The following DBH variants were observed in gnomAD, a reference collection of about 807,000 sequenced individuals.
DBH encodes the protein dopamine beta-hydroxylase (dopamine beta-monooxygenase).
Under a neutral mutation model 64.0 loss-of-function variants are expected in DBH, and 49 were observed. That is an observed-to-expected ratio of 0.77 (90% CI 0.61 to 0.97). The LOEUF is 0.97. Ranked by LOEUF, DBH falls within the 50% of genes least tolerant of loss-of-function variation. The pLI is 0.00. For missense variants in DBH, 828 were observed against 826.6 expected (o/e 1.00, Z -0.02); for synonymous variants, 343 against 347.1 (o/e 0.99, Z 0.13).
intron 2 of DBH, 99 bp downstream of exon 2, chr9:133,640,091 C>T: frequency 1.3e-6 from 2 of 1,499,940 alleles, no homozygotes; most frequent in South Asian, 2.3e-5. Flanking sequence ...CCTGATAAGT[C>T]TGGGGCCTGG....
intron 6 of DBH, among the ~76,000 whole-genome samples, chr9:133,649,512 T>C (rs893938166): frequency 2.0e-5 from 3 of 152,224 alleles, no homozygotes; most frequent in Non-Finnish European, 4.4e-5. Flanking sequence ...TCCTTCCTAG[T>C]AAATGGGTCG....
chr9:133,657,486 GGA>G (rs1300382040), intron 11 of DBH, among the ~76,000 whole-genome samples: 3 of 147,834 alleles, frequency 2.0e-5, no homozygotes, highest in African/African-American at 5.1e-5. Flanking sequence ...GAGGGAGAGA[GGA>G]GAGAGAGAGG....
chr9:133,637,040 G>A (rs1464468893), intron 1 of DBH, among the ~76,000 whole-genome samples: 2 of 152,170 alleles, frequency 1.3e-5, no homozygotes, highest in African/African-American at 4.8e-5. Flanking sequence ...ACGCGCATGA[G>A]CACAGACCCC....
chr9:133,643,384 C>A lies in DBH; in HGVS notation c.745-29C>A. On this transcript the variant is annotated intron_variant, in intron 3 of 11. Coordinates refer to ENST00000393056, the MANE Select transcript of DBH (RefSeq NM_000787.4). This position sits in a 1 kb window ranked among gnomAD's most constrained non-coding sequence, Gnocchi z 5.3. ...GGGAGGGGAGGGTGGGCGGCCGGTT[C>A]CCGGGCTCAGAGGGCTGCCTCCTCA... 6.2e-7 allele frequency: 1 copy of A among 1,613,132 alleles called. No individual in the cohort carries two copies. The highest frequency in any genetic ancestry group is 2.2e-5 in the East Asian group (1 of 44,852).
rs1176382973 is a variant in DBH at position 133,636,581 on chromosome 9, G to A, written c.210G>A (p.Glu70=). ...ELSWNVSYTQ[E]AIHFQLLVRR... is the part of the protein sequence containing the mutation. ...CATGGAATGTCAGCTACACCCAGGA[G>A]GCCATCCATTTCCAGCTCCTGGTGC... The change falls in exon 1 of 12, where the codon GAG becomes GAA. Residue 70 remains glutamate (E), a synonymous_variant. Transcript: ENST00000393056. The A allele has an allele frequency of 5.6e-6, 9 of 1,613,618 alleles. No individual in the cohort carries two copies. Among genetic ancestry groups the A allele is most frequent in the Non-Finnish European group, 5.9e-6 (7 of 1,180,014 alleles).
rs769001692 is a variant in DBH, at chr9:133,639,961, G to A, written c.455G>A (p.Gly152Asp). 1.9e-6 allele frequency: 3 copies of A among 1,613,850 alleles called. No homozygotes were observed. In the Admixed American group the frequency reaches 5.0e-5, roughly 27 times the overall value. ...GLTLLFKRPF[G>D]TCDPKDYLIE... ...ACCCTGCTTTTCAAGAGGCCCTTTG[G>A]CACCTGCGACCCCAAGGATTACCTC... The change falls in exon 2 of 12, where the codon GGC (glycine) becomes GAC (aspartate). Residue 152 changes from glycine (G) to aspartate (D), a missense_variant. Transcript: ENST00000393056.
In DBH at chr9:133,658,610, C is replaced by G; in HGVS notation, c.*163C>G. ...GACCACGGTCCAATCCAGCCTTCTT[C>G]CCCCAGGGTCCCCTGCATGGCTGAG... On this transcript the variant is annotated 3_prime_UTR_variant, in exon 12 of 12. Coordinates refer to ENST00000393056, the MANE Select transcript of DBH (RefSeq NM_000787.4). The G allele has an allele frequency of 1.3e-6, 1 of 789,226 alleles. No homozygotes were observed. Among genetic ancestry groups the G allele is most frequent in the Non-Finnish European group, 1.9e-6 (1 of 524,428 alleles). The allele number at this position is 789,226 out of a possible 1,614,324, so 48.9% of individuals were successfully genotyped here.
In DBH at chr9:133,658,599, C is replaced by T. The variant is rs192172385; in HGVS notation, c.*152C>T. On this transcript the variant is annotated 3_prime_UTR_variant, in exon 12 of 12. Transcript: ENST00000393056. Reference sequence around the variant, plus strand: ...CCCCTGCCTGAGACCACGGTCCAATCCAGCCTTCTTCCCCCAGGGTCCCCT... The same window carrying T: ...CCCCTGCCTGAGACCACGGTCCAATTCAGCCTTCTTCCCCCAGGGTCCCCT... The T allele has an allele frequency of 1.1e-6, 1 of 906,766 alleles. No individual in the cohort carries two copies. The highest frequency in any genetic ancestry group is 1.6e-6 in the Non-Finnish European group (1 of 628,094). The allele number at this position is 906,766 out of a possible 1,614,324, so 56.2% of individuals were successfully genotyped here.
At chr9:133,656,692 C>CG (rs750897989) in intron 10 of DBH, 42 bp downstream of exon 10, 10 of 1,606,792 alleles carry the variant, frequency 6.2e-6, no homozygotes, top group Non-Finnish European at 8.5e-6. Context: ...CAGGGAACCC[C>CG]GACACAGAAC....
Position 133,651,718 on chromosome 9 carries a change from C to T in DBH, c.1276C>T (p.Arg426Trp), listed in dbSNP as rs141461654. 1.4e-5 allele frequency: 22 copies of T among 1,613,928 alleles called. No homozygotes were observed. Among genetic ancestry groups the T allele is most frequent in the Middle Eastern group, 1.7e-4 (1 of 6,042 alleles). Residue 426 changes from arginine to tryptophan, a missense_variant, in exon 7 of 12, where the codon CGG (arginine) becomes TGG (tryptophan). Transcript: ENST00000393056. ...TGRKVVTVLVRDGREWEIVNQ... is the reference protein window; with the variant it reads ...TGRKVVTVLVWDGREWEIVNQ... The stretch of plus-strand genomic sequence containing the variant: ...GAGAAAGGTGGTCACAGTGCTGGTC[C>T]GGGACGGCCGGGAGTGGGAGATCGT...
In DBH at chr9:133,657,444, AGAGAGAGGAGAGAGGGAGAGGGAGAGAGG is replaced by A. The variant is rs1329189689; in HGVS notation, c.1722+221_1722+249del. 9.5e-4 allele frequency: 369 copies of A among 386,892 alleles called. 1 individual carries two copies. In the African/African-American group the frequency reaches 0.01, roughly 11 times the overall value. 24.0% of individuals were successfully genotyped at this position (386,892 alleles called of 1,614,324 possible). On this transcript the variant is annotated intron_variant, in intron 11 of 11. Coordinates refer to ENST00000393056, the MANE Select transcript of DBH (RefSeq NM_000787.4). ...AGAGAGGAGAGAGAGGAGAGAGAGGAGAGAGAGGAGAGAGGGAGAGGGAGAGAGGGAGAGGGAGAGAGGAGAGAGAGAGG... is the reference window on the plus strand; with the variant it reads ...AGAGAGGAGAGAGAGGAGAGAGAGGAGAGAGGGAGAGAGGAGAGAGAGAGG...
intron 1 of DBH, among the ~76,000 whole-genome samples, chr9:133,638,721 G>C (rs1029549121): frequency 2.0e-5 from 3 of 152,208 alleles, no homozygotes; most frequent in African/African-American, 7.2e-5. Flanking sequence ...GGCAGGACAG[G>C]TGTAAACAAC....
At chr9:133,652,815 A>G in intron 8 of DBH, 125 bp from the exon 9 acceptor site, 1 of 732,178 alleles carries the variant, frequency 1.4e-6, no homozygotes, top group Non-Finnish European at 2.5e-6. Context: ...CTTGTAGTGG[A>G]CGACAGGGAC....
intron 5 of DBH, among the ~76,000 whole-genome samples, chr9:133,646,021 A>C (rs968139848): frequency 6.6e-6 from 1 of 152,158 alleles, no homozygotes; most frequent in South Asian, 2.1e-4. Flanking sequence ...GGACAGCAGA[A>C]AAGCATGAAG....
intron 7 of DBH, 51 bp from the exon 8 acceptor site, chr9:133,652,195 G>T (rs1489312597): frequency 1.2e-6 from 2 of 1,610,212 alleles, no homozygotes; most frequent in Non-Finnish European, 8.5e-7. Context: ...GGTCTGGTCT[G>T]CAGCTCTCTG....
chr9:133,655,964 GGCTGGAGGTTGTC>G (rs1241301083), intron 9 of DBH: 1 of 161,722 alleles, frequency 6.2e-6, no homozygotes, highest in East Asian at 1.7e-4. Context: ...TGCCGTGAGA[GGCTGGAGGTTGTC>G]GCGGCCTCTA....
intron 11 of DBH, chr9:133,657,443 GA>G (rs1832343743): frequency 6.7e-6 from 3 of 447,070 alleles, no homozygotes; most frequent in South Asian, 4.3e-5. Flanking sequence ...GGAGAGAGAG[GA>G]GAGAGAGGAG....
Position 133,643,475 on chromosome 9 carries a change from C to A in DBH, c.807C>A (p.Cys269Ter). 1 of 1,613,360 alleles carries A rather than the reference C, an allele frequency of 6.2e-7. No homozygotes were observed. The highest frequency in any genetic ancestry group is 1.1e-5 in the South Asian group (1 of 91,022). The change falls in exon 4 of 12, where the codon TGC (cysteine) becomes TGA (stop). Residue 269 changes from cysteine to a stop codon, truncating the protein, a stop_gained. Coordinates refer to ENST00000393056, the MANE Select transcript of DBH (RefSeq NM_000787.4). LOFTEE classifies it high-confidence loss of function. This position sits in a 1 kb window ranked among gnomAD's most constrained non-coding sequence, Gnocchi z 5.3. ...TCCACCACATGGAAGTCTTCCAGTGCGCCCCCGAGATGGACAGCGTCCCCC... is the reference window on the plus strand; with the variant it reads ...TCCACCACATGGAAGTCTTCCAGTGAGCCCCCGAGATGGACAGCGTCCCCC... Reference protein sequence around the residue: ...ALVHHMEVFQCAPEMDSVPHF... With the variant: ...ALVHHMEVFQ
At chr9:133,648,981 C>T (rs1240610262) in intron 6 of DBH, among the ~76,000 whole-genome samples, 1 of 152,202 alleles carries the variant, frequency 6.6e-6, no homozygotes, top group African/African-American at 2.4e-5. Flanking sequence ...CAAAATGCCC[C>T]TCAGAAAGCC....
Sources: allele counts gnomAD v4.1 joint callset (sites outside exome capture counted in the v4.1 genomes callset), GRCh38; gene constraint gnomAD v4.1.1; non-coding constraint Gnocchi (gnomAD v3.1); transcripts MANE v1.5; gene names NCBI Gene and HGNC (gene_info 2026-07-23, HGNC 2026-07-21).